The following LTAP1 variants were observed in gnomAD, a reference collection of about 807,000 sequenced individuals.
The protein encoded by LTAP1 is HCV NS5A-transactivated protein 4.
the LTAP1 span, among the ~76,000 whole-genome samples, chr1:154,214,803 C>T: frequency 4.6e-5 from 7 of 151,906 alleles, no homozygotes; most frequent in African/African-American, 1.7e-4. Context: ...TTAACTTGTG[C>T]CAGAAATCCT....
At chr1:154,207,338 G>C in the LTAP1 span, 1 of 922,842 alleles carries the variant, frequency 1.1e-6, no homozygotes, top group South Asian at 1.5e-5. Flanking sequence ...CGGGAACTTG[G>C]ATGGATACAG....
chr1:154,217,039 G>A, the LTAP1 span, among the ~76,000 whole-genome samples: 3 of 150,434 alleles, frequency 2.0e-5, no homozygotes, highest in South Asian at 2.1e-4. Flanking sequence ...AACCTCCGCC[G>A]GGGCTCAAGT....
At chr1:154,220,334 C>T in the LTAP1 span, 1 of 1,613,938 alleles carries the variant, frequency 6.2e-7, no homozygotes, top group South Asian at 1.1e-5. Context: ...GTGGGGTAAT[C>T]TCCTCACCAG....
the LTAP1 span, chr1:154,212,408 C>A: frequency 1.1e-5 from 18 of 1,614,060 alleles, no homozygotes; most frequent in African/African-American, 2.3e-4. Flanking sequence ...GAGTGAGGAT[C>A]TCTCAGTCTG....
the LTAP1 span, chr1:154,213,819 A>G: frequency 8.1e-6 from 10 of 1,230,034 alleles, no homozygotes; most frequent in Non-Finnish European, 1.2e-5. Context: ...CCTAACATAC[A>G]AAGTGGGTTC....
the LTAP1 span, among the ~76,000 whole-genome samples, chr1:154,215,169 G>T: frequency 6.6e-6 from 1 of 152,188 alleles, no homozygotes; most frequent in South Asian, 2.1e-4. Context: ...CTTCTGAGCA[G>T]CTAGGATTAC....
At chr1:154,217,335 A>T in the LTAP1 span, among the ~76,000 whole-genome samples, 1 of 152,210 alleles carries the variant, frequency 6.6e-6, no homozygotes, top group Admixed American at 6.5e-5. Context: ...AGTTTGACAA[A>T]TGAACATACC....
At chr1:154,220,571 C>G in the LTAP1 span, 3 of 684,024 alleles carry the variant, frequency 4.4e-6, no homozygotes, top group Middle Eastern at 2.9e-4. Flanking sequence ...GGCGGACAGG[C>G]AGGAGAGCTG....
the LTAP1 span, among the ~76,000 whole-genome samples, chr1:154,217,762 G>C: frequency 6.6e-6 from 1 of 151,706 alleles, no homozygotes; most frequent in Non-Finnish European, 1.5e-5. Flanking sequence ...TGCCCAACTC[G>C]GCCTCCCTAA....
At chr1:154,220,246 T>C in the LTAP1 span, 4 of 1,430,838 alleles carry the variant, frequency 2.8e-6, no homozygotes, top group Non-Finnish European at 3.9e-6. Flanking sequence ...TAGGCGCAGG[T>C]GAGTGGGTGG....
At chr1:154,220,173 G>T in the LTAP1 span, 1 of 871,186 alleles carries the variant, frequency 1.1e-6, no homozygotes, top group African/African-American at 1.7e-5. Context: ...AACGAGGGCG[G>T]GTCGGCCCGA....
chr1:154,220,149 G>T, the LTAP1 span: 1 of 756,378 alleles, frequency 1.3e-6, no homozygotes, highest in Non-Finnish European at 2.2e-6. Context: ...GCGTTAAAGG[G>T]AGGGTTCTAG....
the LTAP1 span, chr1:154,212,551 A>C: frequency 6.8e-6 from 11 of 1,614,090 alleles, no homozygotes; most frequent in East Asian, 2.0e-4. Context: ...TGTTTCGCAG[A>C]TCCAGCAGGT....
chr1:154,219,687 G>A, the LTAP1 span: 19 of 626,346 alleles, frequency 3.0e-5, no homozygotes, highest in Non-Finnish European at 4.4e-5. Context: ...GTTCCAAAGC[G>A]CACAGTGCCT....
At chr1:154,217,524 A>G in the LTAP1 span, among the ~76,000 whole-genome samples, 1 of 151,676 alleles carries the variant, frequency 6.6e-6, no homozygotes, top group Non-Finnish European at 1.5e-5. Flanking sequence ...GGCTTTCTTC[A>G]CTCAGCATGG....
At chr1:154,212,438 C>T in the LTAP1 span, 7 of 1,613,804 alleles carry the variant, frequency 4.3e-6, no homozygotes, top group South Asian at 2.2e-5. Context: ...TTTAGTGCCC[C>T]GAAGAAAAAA....
chr1:154,207,492 G>A, the LTAP1 span: 3 of 1,614,134 alleles, frequency 1.9e-6, no homozygotes, highest in South Asian at 3.3e-5. Flanking sequence ...TATCCTTAAA[G>A]CTCTTCAATT....
At chr1:154,211,312 T>C in the LTAP1 span, among the ~76,000 whole-genome samples, 1 of 144,716 alleles carries the variant, frequency 6.9e-6, no homozygotes, top group Non-Finnish European at 1.5e-5. Context: ...CAAAAATAGA[T>C]GTTATTTAAT....
chr1:154,215,068 C>T, the LTAP1 span, among the ~76,000 whole-genome samples: 11 of 151,940 alleles, frequency 7.2e-5, no homozygotes, highest in African/African-American at 2.7e-4. Context: ...TGGTCTCAAA[C>T]TCCTGACCTC....
Sources: gnomAD v4.1 joint callset for allele counts (sites outside exome capture counted in the v4.1 genomes callset) on GRCh38, gnomAD v4.1.1 for gene constraint, MANE v1.5 for transcripts, NCBI Gene and HGNC (gene_info 2026-07-23, HGNC 2026-07-21) for gene names.